Variants in WWOX observed in about 807,000 individuals in gnomAD.
The protein encoded by WWOX is WW domain-containing oxidoreductase.
Under a neutral mutation model 46.2 loss-of-function variants are expected in WWOX, and 69 were observed. The ratio of observed to expected loss-of-function variants is 1.49; its 90% CI spans 1.23 to 1.82. WWOX has a LOEUF of 1.82. Ranked by LOEUF, WWOX falls within the 40% of genes most tolerant of loss-of-function variation. The pLI, the probability that WWOX is intolerant of heterozygous loss-of-function variation, is 0.00. For missense variants in WWOX, 919 were observed against 542.6 expected, an observed-to-expected ratio of 1.69 and a Z score of -6.89; for synonymous variants, 359 against 202.6, an observed-to-expected ratio of 1.77 and a Z score of -6.56.
intron 5 of WWOX, among the ~76,000 whole-genome samples, chr16:78,311,056 G>A (rs1472037834): frequency 6.6e-6 from 1 of 152,164 alleles, no homozygotes; most frequent in Non-Finnish European, 1.5e-5. Context: ...TGTGATTTGT[G>A]AATAGTCTCC....
At chr16:79,010,514 T>A (rs1332446123) in intron 8 of WWOX, among the ~76,000 whole-genome samples, 1 of 152,094 alleles carries the variant, frequency 6.6e-6, no homozygotes, top group Non-Finnish European at 1.5e-5. Flanking sequence ...CCCCAGGGAA[T>A]AAGCCAGATT....
At chr16:78,869,462 G>A (rs1043743892) in intron 8 of WWOX, among the ~76,000 whole-genome samples, 1 of 152,196 alleles carries the variant, frequency 6.6e-6, no homozygotes, top group African/African-American at 2.4e-5. Flanking sequence ...CGCAAGAAGT[G>A]CACACAGCCC....
chr16:78,550,563 CATG>C (rs1372913249), intron 8 of WWOX, among the ~76,000 whole-genome samples: 2 of 152,210 alleles, frequency 1.3e-5, no homozygotes, highest in African/African-American at 4.8e-5. Context: ...GGTTTTAGAA[CATG>C]ATATTTTCTA....
chr16:78,364,207 C>G (rs1303843772), intron 5 of WWOX, among the ~76,000 whole-genome samples: 1 of 152,170 alleles, frequency 6.6e-6, no homozygotes, highest in African/African-American at 2.4e-5. Flanking sequence ...ATACTGATTA[C>G]ATTTTAGCTT....
intron 8 of WWOX, among the ~76,000 whole-genome samples, chr16:78,759,454 G>T (rs1376458872): frequency 6.6e-6 from 1 of 152,184 alleles, no homozygotes; most frequent in South Asian, 2.1e-4. Flanking sequence ...AAATAAGCCA[G>T]TGAGGATTTT....
intron 8 of WWOX, among the ~76,000 whole-genome samples, chr16:78,817,418 A>T (rs927702132): frequency 6.6e-6 from 1 of 152,196 alleles, no homozygotes; most frequent in Non-Finnish European, 1.5e-5. Flanking sequence ...AAGAGCTAAT[A>T]TCTTCAGCTA....
At chr16:78,562,281 C>T (rs1187467125) in intron 8 of WWOX, among the ~76,000 whole-genome samples, 5 of 152,184 alleles carry the variant, frequency 3.3e-5, no homozygotes, top group African/African-American at 1.2e-4. Flanking sequence ...ATGCAGAATT[C>T]CTACTCTGAG....
At chr16:78,480,904 A>T (rs1471587240) in intron 8 of WWOX, among the ~76,000 whole-genome samples, 1 of 152,250 alleles carries the variant, frequency 6.6e-6, no homozygotes, top group Non-Finnish European at 1.5e-5. Context: ...GAGACTTACA[A>T]ACATTTGTGC....
intron 8 of WWOX, among the ~76,000 whole-genome samples, chr16:78,936,544 C>T (rs1041031929): frequency 8.5e-5 from 13 of 152,152 alleles, no homozygotes; most frequent in African/African-American, 3.1e-4. Flanking sequence ...AGTTAAGCTG[C>T]TTTCTGGTAA....
At chr16:78,743,814 G>C (rs564855661) in intron 8 of WWOX, among the ~76,000 whole-genome samples, 22 of 152,112 alleles carry the variant, frequency 1.4e-4, no homozygotes, top group Admixed American at 1.4e-3. Flanking sequence ...ACTGATTGTG[G>C]GCCATTACTT....
chr16:78,917,363 T>G (rs994794643), intron 8 of WWOX, among the ~76,000 whole-genome samples: 2 of 152,142 alleles, frequency 1.3e-5, no homozygotes, highest in African/African-American at 4.8e-5. Context: ...TTTAAATACC[T>G]CTAGATGCTT....
intron 4 of WWOX, among the ~76,000 whole-genome samples, chr16:78,141,944 A>G (rs1041734428): frequency 6.6e-6 from 1 of 151,746 alleles, no homozygotes; most frequent in African/African-American, 2.4e-5. Context: ...TGTAGTTTCC[A>G]TTTCTAGACC....
At chr16:78,441,698 A>G (rs1003377949) in intron 8 of WWOX, among the ~76,000 whole-genome samples, 9 of 152,190 alleles carry the variant, frequency 5.9e-5, no homozygotes. Flanking sequence ...AGATTCATGC[A>G]TAAAACTGAG....
chr16:78,187,088 C>T (rs2035734601), intron 5 of WWOX, among the ~76,000 whole-genome samples: 1 of 152,190 alleles, frequency 6.6e-6, no homozygotes, highest in African/African-American at 2.4e-5. Context: ...ACAGAACTGT[C>T]CCATCTCCCC....
At chr16:78,889,879 A>G (rs895053176) in intron 8 of WWOX, among the ~76,000 whole-genome samples, 4 of 152,108 alleles carry the variant, frequency 2.6e-5, no homozygotes, top group Admixed American at 1.3e-4. Context: ...TTTATGATGA[A>G]TTTTCTATTA....
intron 5 of WWOX, among the ~76,000 whole-genome samples, chr16:78,226,504 C>CCCTT (rs749725355): frequency 3.9e-5 from 5 of 127,032 alleles, no homozygotes; most frequent in Non-Finnish European, 8.2e-5. Flanking sequence ...CTCCCTCCCT[C>CCCTT]CCTTCCTTCC....
intron 8 of WWOX, among the ~76,000 whole-genome samples, chr16:78,494,259 C>T (rs1335986349): frequency 6.6e-6 from 1 of 152,128 alleles, no homozygotes; most frequent in African/African-American, 2.4e-5. Flanking sequence ...CGTCTAGTTC[C>T]TGCAGAGAAC....
chr16:78,866,711 C>G (rs969491271), intron 8 of WWOX, among the ~76,000 whole-genome samples: 2 of 152,202 alleles, frequency 1.3e-5, no homozygotes, highest in East Asian at 1.9e-4. Context: ...GCACGCAAAT[C>G]AAGGACATTG....
At chr16:78,768,275 G>A (rs2049974669) in intron 8 of WWOX, among the ~76,000 whole-genome samples, 2 of 42,846 alleles carry the variant, frequency 4.7e-5, no homozygotes, top group South Asian at 5.0e-4. Context: ...AGTGATAGAT[G>A]AGTTAAAAAA....
Sources: gnomAD v4.1 joint callset for allele counts (sites outside exome capture counted in the v4.1 genomes callset) on GRCh38, gnomAD v4.1.1 for gene constraint, MANE v1.5 for transcripts, NCBI Gene and HGNC (gene_info 2026-07-23, HGNC 2026-07-21) for gene names.